Variants in CCDC25 observed in about 807,000 individuals in gnomAD.
CCDC25 encodes the protein coiled-coil domain containing 25.
CCDC25 carries 16 observed loss-of-function variants against 35.3 expected under a neutral mutation model. That is an observed-to-expected ratio of 0.45 (90% confidence interval 0.31 to 0.69). The LOEUF (loss-of-function observed/expected upper bound fraction) is 0.69, where lower values mean the gene tolerates loss of function less well. Among genes scored for constraint, CCDC25 ranks in the 30% least tolerant of loss-of-function variants. CCDC25 has a pLI of 0.06. For missense variants in CCDC25, 179 were observed against 250.7 expected, an observed-to-expected ratio of 0.71 and a Z score of 1.93; for synonymous variants, 79 against 80.3, an observed-to-expected ratio of 0.98 and a Z score of 0.09.
At chr8:27,763,282 C>G (rs561473139) in intron 2 of CCDC25, among the ~76,000 whole-genome samples, 2 of 152,134 alleles carry the variant, frequency 1.3e-5, no homozygotes, top group Non-Finnish European at 2.9e-5. Context: ...AAAGTATTCG[C>G]TCAAAGTGAA....
intron 7 of CCDC25, among the ~76,000 whole-genome samples, chr8:27,747,396 T>C (rs1002635436): frequency 6.6e-6 from 1 of 152,224 alleles, no homozygotes; most frequent in Non-Finnish European, 1.5e-5. Context: ...GATTCTCCCC[T>C]AGTGCCTCCA....
chr8:27,759,723 T>G (rs1804153005), intron 3 of CCDC25, among the ~76,000 whole-genome samples: 1 of 135,610 alleles, frequency 7.4e-6, no homozygotes. Context: ...GAGGTTACAG[T>G]GAGTCAAGAT....
rs1216047804 is a variant in CCDC25, at chr8:27,762,431, G to C, written c.104C>G (p.Pro35Arg). ...ENEDLIKHGWPEDIWFHVDKL... is the reference protein window; with the variant it reads ...ENEDLIKHGWREDIWFHVDKL... ...AATTGTTACTTACCAGATATCTTCAGGCCAGCCATGCTTGATCAGATCTTC... is the reference window on the plus strand; with the variant it reads ...AATTGTTACTTACCAGATATCTTCACGCCAGCCATGCTTGATCAGATCTTC... The change falls in exon 3 of 9, where the codon CCT (proline) becomes CGT (arginine). Residue 35 changes from proline (P) to arginine (R), a missense_variant. Coordinates refer to ENST00000356537, the MANE Select transcript of CCDC25 (RefSeq NM_018246.3). 1 of 1,613,292 alleles carries C rather than the reference G, an allele frequency of 6.2e-7. No individual in the cohort carries two copies. The highest frequency in any genetic ancestry group is 1.1e-5 in the South Asian group (1 of 90,978).
intron 1 of CCDC25, chr8:27,772,111 T>A (rs1319571975): frequency 9.1e-6 from 2 of 220,456 alleles, no homozygotes; most frequent in Non-Finnish European, 1.8e-5. Flanking sequence ...AGCAGGTGTC[T>A]CCTTTCTCAC....
At chr8:27,751,420 C>A (rs1196373779) in intron 5 of CCDC25, among the ~76,000 whole-genome samples, 1 of 152,190 alleles carries the variant, frequency 6.6e-6, no homozygotes, top group Non-Finnish European at 1.5e-5. Flanking sequence ...CTCTGTAAAG[C>A]AACAGTTCTA....
intron 3 of CCDC25, among the ~76,000 whole-genome samples, chr8:27,761,599 A>C (rs1226108894): frequency 6.6e-6 from 1 of 152,210 alleles, no homozygotes; most frequent in African/African-American, 2.4e-5. Flanking sequence ...CAGGAAGATG[A>C]TATCCCACTC....
rs17057806 is a variant in CCDC25, at chr8:27,760,513, T to A, written c.116+1906A>T. On this transcript the variant is annotated intron_variant, in intron 3 of 8. Transcript: ENST00000356537. ...ATGATGTGGCCATTGTAGGGAAATGTCCATGGAGACTGCTTCTACGCTGGC... is the reference window on the plus strand; with the variant it reads ...ATGATGTGGCCATTGTAGGGAAATGACCATGGAGACTGCTTCTACGCTGGC... Among the ~76,000 whole-genome samples, 1,224 of 152,260 alleles carry A rather than the reference T, an allele frequency of 8.0e-3. 13 individuals are homozygous for A. Among genetic ancestry groups the A allele is most frequent in the African/African-American group, 0.027 (1,121 of 41,538 alleles).
chr8:27,734,364 G>C lies in CCDC25; in HGVS notation c.*1852C>G, dbSNP rs900322882. 6.6e-6 allele frequency: 1 copy of C among 152,198 alleles called. No homozygotes were observed. The highest frequency in any genetic ancestry group is 1.5e-5 in the Non-Finnish European group (1 of 68,054). 9.4% of individuals were successfully genotyped at this position (152,198 alleles called of 1,614,324 possible). On this transcript the variant is annotated 3_prime_UTR_variant, in exon 9 of 9. Coordinates refer to ENST00000356537, the MANE Select transcript of CCDC25 (RefSeq NM_018246.3). Reference sequence around the variant, plus strand: ...AGACCCACAGCACAGATTTGATCAAGGGCACAGCTCATAAAAATAGCAACA... The same window carrying C: ...AGACCCACAGCACAGATTTGATCAACGGCACAGCTCATAAAAATAGCAACA...
At chr8:27,768,000 G>A (rs1417393681) in intron 1 of CCDC25, among the ~76,000 whole-genome samples, 3 of 151,416 alleles carry the variant, frequency 2.0e-5, no homozygotes, top group South Asian at 2.1e-4. Flanking sequence ...CCAGGAGCTC[G>A]GGACCATCCT....
intron 4 of CCDC25, among the ~76,000 whole-genome samples, chr8:27,754,075 G>C (rs1192390744): frequency 6.6e-6 from 1 of 152,082 alleles, no homozygotes; most frequent in East Asian, 1.9e-4. Context: ...AAAGCAGTTA[G>C]CAAACTATGT....
At chr8:27,740,667 T>C (rs1803407508) in intron 7 of CCDC25, 150 bp from the exon 8 acceptor site, 2 of 606,898 alleles carry the variant, frequency 3.3e-6, no homozygotes, top group East Asian at 2.9e-5. Context: ...TCAAGGAGAT[T>C]GCAACATTCA....
chr8:27,759,038 A>C (rs1804118938), intron 3 of CCDC25, among the ~76,000 whole-genome samples: 1 of 152,212 alleles, frequency 6.6e-6, no homozygotes, highest in Non-Finnish European at 1.5e-5. Context: ...CTTAAAAAAG[A>C]AGCAAACGAC....
chr8:27,761,752 C>T (rs1230883000), intron 3 of CCDC25, among the ~76,000 whole-genome samples: 1 of 152,108 alleles, frequency 6.6e-6, no homozygotes, highest in East Asian at 1.9e-4. Context: ...GGCCCCAGGT[C>T]TGAATGGTAG....
In CCDC25 at chr8:27,735,097, G is replaced by A. The variant is rs996678063; in HGVS notation, c.*1119C>T. 2.0e-5 allele frequency: 3 copies of A among 152,486 alleles called. No individual in the cohort carries two copies. The highest frequency in any genetic ancestry group is 2.9e-5 in the Non-Finnish European group (2 of 68,014). 9.4% of individuals were successfully genotyped at this position (152,486 alleles called of 1,614,324 possible). A position where few individuals can be genotyped will look rare whatever the true frequency, so the allele number is the denominator to read the frequency against. ...ATTTTATTATAACTTTTAAAATTGC[G>A]GAACATCAGACTGAATATCATCAGA... On this transcript the variant is annotated 3_prime_UTR_variant, in exon 9 of 9. Coordinates refer to ENST00000356537, the MANE Select transcript of CCDC25 (RefSeq NM_018246.3).
In CCDC25 at chr8:27,748,588, C is replaced by A. The variant is rs781515866; in HGVS notation, c.255G>T (p.Met85Ile). Residue 85 changes from methionine to isoleucine, a missense_variant, in exon 6 of 9, where the codon ATG (methionine) becomes ATT (isoleucine). Coordinates refer to ENST00000356537, the MANE Select transcript of CCDC25 (RefSeq NM_018246.3). ...GCGTATATACCACATTAACGTTGTT[C>A]ATCTTGCAGCCTGCCAAGAGAGACT... is the stretch of plus-strand genomic sequence containing the variant. Reference protein sequence around the residue: ...VKANSIQGCKMNNVNVVYTPW... With the variant: ...VKANSIQGCKINNVNVVYTPW... The A allele has an allele frequency of 6.2e-7, 1 of 1,612,944 alleles. No individual in the cohort carries two copies. The highest frequency in any genetic ancestry group is 1.3e-5 in the African/African-American group (1 of 74,898).
At chr8:27,757,188 C>T (rs768161904) in intron 3 of CCDC25, among the ~76,000 whole-genome samples, 13 of 152,174 alleles carry the variant, frequency 8.5e-5, no homozygotes, top group Admixed American at 3.9e-4. Context: ...TGAAAGAAGT[C>T]AGCAAGTCTC....
At chr8:27,756,077 G>C (rs1189232151) in intron 4 of CCDC25, among the ~76,000 whole-genome samples, 1 of 152,168 alleles carries the variant, frequency 6.6e-6, no homozygotes, top group East Asian at 1.9e-4. Flanking sequence ...TTGATGATGG[G>C]GGAAACTAGG....
At chr8:27,752,433 C>G in intron 5 of CCDC25, 79 bp downstream of exon 5, 1 of 1,100,362 alleles carries the variant, frequency 9.1e-7, no homozygotes, top group Non-Finnish European at 1.4e-6. Context: ...AAGTCAACAG[C>G]ATGCTCACTA....
intron 4 of CCDC25, among the ~76,000 whole-genome samples, chr8:27,754,848 C>G (rs1803942633): frequency 6.6e-6 from 1 of 152,082 alleles, no homozygotes; most frequent in South Asian, 2.1e-4. Flanking sequence ...AGAGCCATCC[C>G]CATGAGCTCA....
Sources: gnomAD v4.1 joint callset for allele counts (sites outside exome capture counted in the v4.1 genomes callset) on GRCh38, gnomAD v4.1.1 for gene constraint, MANE v1.5 for transcripts, NCBI Gene and HGNC (gene_info 2026-07-23, HGNC 2026-07-21) for gene names.